MIA2: variants seen among roughly 807,000 people sequenced by gnomAD.
MIA2 encodes melanoma inhibitory activity protein 2.
In MIA2, 127 loss-of-function variants were observed where a neutral mutation model predicts 167.8. The observed-to-expected ratio is 0.76, with a 90% CI of 0.66 to 0.88. The LOEUF (loss-of-function observed/expected upper bound fraction) is 0.88, where lower values mean the gene tolerates loss of function less well. MIA2 is among the 40% of genes least tolerant of loss of function. The pLI is 0.00. For missense variants in MIA2, 1,690 were observed against 1,624.7 expected, an observed-to-expected ratio of 1.04 and a Z score of -0.69; for synonymous variants, 552 against 541.9, an observed-to-expected ratio of 1.02 and a Z score of -0.26.
At chr14:39,284,989 A>G (rs2152781166) in intron 9 of MIA2, among the ~76,000 whole-genome samples, 1 of 152,156 alleles carries the variant, frequency 6.6e-6, no homozygotes, top group East Asian at 1.9e-4. Context: ...CTGTTTAGCA[A>G]AGCACATCTT....
intron 7 of MIA2, among the ~76,000 whole-genome samples, chr14:39,278,972 C>G (rs1339769037): frequency 6.6e-6 from 1 of 151,892 alleles, no homozygotes; most frequent in East Asian, 1.9e-4. Context: ...ACCAGCCTGG[C>G]CAACATGGTG....
intron 2 of MIA2, 100 bp from the exon 3 acceptor site, chr14:39,240,461 A>T: frequency 1.4e-6 from 1 of 720,736 alleles, no homozygotes; most frequent in Non-Finnish European, 2.4e-6. Flanking sequence ...TTTGCGATTC[A>T]GAGTAGATGA....
intron 23 of MIA2, among the ~76,000 whole-genome samples, chr14:39,377,138 G>C (rs1303651870): frequency 6.6e-6 from 1 of 151,808 alleles, no homozygotes. Flanking sequence ...GGCTAGGACA[G>C]TTTATTCCTA....
chr14:39,367,598 T>G (rs1687846062), intron 23 of MIA2, among the ~76,000 whole-genome samples: 2 of 152,234 alleles, frequency 1.3e-5, no homozygotes, highest in African/African-American at 4.8e-5. Flanking sequence ...AGAGCCTCTT[T>G]GGGCACCCAG....
chr14:39,323,743 T>C (rs896427155), intron 24 of MIA2, among the ~76,000 whole-genome samples: 1 of 152,212 alleles, frequency 6.6e-6, no homozygotes, highest in African/African-American at 2.4e-5. Flanking sequence ...TATGAGTCAC[T>C]GGAAATTGAA....
chr14:39,369,281 G>C (rs996228111), intron 23 of MIA2, among the ~76,000 whole-genome samples: 1 of 152,206 alleles, frequency 6.6e-6, no homozygotes, highest in Admixed American at 6.5e-5. Flanking sequence ...AGTCACACTA[G>C]AAGCCCTTGC....
chr14:39,256,033 TCAA>T (rs898441109), intron 6 of MIA2, among the ~76,000 whole-genome samples: 12 of 152,222 alleles, frequency 7.9e-5, no homozygotes, highest in African/African-American at 2.9e-4. Context: ...GAATCAGTTG[TCAA>T]CATTTAAAAG....
intron 2 of MIA2, among the ~76,000 whole-genome samples, chr14:39,240,199 A>G (rs943681410): frequency 6.6e-6 from 1 of 152,186 alleles, no homozygotes; most frequent in Non-Finnish European, 1.5e-5. Flanking sequence ...TAGCTTGGCT[A>G]CCGCCGCCAT....
At chr14:39,250,041 A>C (rs2054492502) in intron 4 of MIA2, among the ~76,000 whole-genome samples, 1 of 152,162 alleles carries the variant, frequency 6.6e-6, no homozygotes, top group South Asian at 2.1e-4. Context: ...AGACCTTTTT[A>C]GGTTGTTAAA....
At chr14:39,359,180 T>G (rs2074612918) in intron 23 of MIA2, among the ~76,000 whole-genome samples, 1 of 152,186 alleles carries the variant, frequency 6.6e-6, no homozygotes, top group Non-Finnish European at 1.5e-5. Context: ...CAGGCCTCCT[T>G]GAGCTGTGAT....
chr14:39,387,098 G>T, exon 24 of MIA2: 1 of 599,528 alleles, frequency 1.7e-6, no homozygotes. Flanking sequence ...CTCGGAGGCT[G>T]CCATCTTGCT....
intron 9 of MIA2, among the ~76,000 whole-genome samples, chr14:39,285,715 A>AC (rs1442601466): frequency 2.4e-4 from 10 of 41,458 alleles, no homozygotes; most frequent in South Asian, 8.1e-4. Flanking sequence ...GACGCTCCTC[A>AC]CTTCCCAGAC....
At chr14:39,363,204 T>C (rs1337234914) in intron 23 of MIA2, among the ~76,000 whole-genome samples, 2 of 152,230 alleles carry the variant, frequency 1.3e-5, no homozygotes, top group Non-Finnish European at 2.9e-5. Flanking sequence ...TAAATATCTG[T>C]TATGTCTATT....
Position 39,326,889 on chromosome 14 carries a change from G to A in MIA2, c.3522G>A (p.Leu1174=). The A allele has an allele frequency of 6.3e-7, 1 of 1,592,894 alleles. No homozygotes were observed. Among genetic ancestry groups the A allele is most frequent in the Non-Finnish European group, 8.5e-7 (1 of 1,171,350 alleles). ...GRGSRGPGNP[L]DHQITNERGE... is the part of the protein sequence containing the mutation. ...GCTCACGAGGCCCAGGGAATCCTCT[G>A]GACCATCAGATTACCAATGAAAGAG... The change falls in exon 25 of 29, where the codon CTG becomes CTA. Residue 1174 remains leucine, a synonymous_variant. Coordinates refer to ENST00000640607, the MANE Select transcript of MIA2 (RefSeq NM_001329214.4).
chr14:39,363,776 C>T (rs1337299019), intron 23 of MIA2, among the ~76,000 whole-genome samples: 4 of 152,094 alleles, frequency 2.6e-5, no homozygotes, highest in Non-Finnish European at 5.9e-5. Flanking sequence ...TTCTTCTTTG[C>T]CTCTGTATAC....
At chr14:39,295,716 C>A (rs908110125) in intron 13 of MIA2, among the ~76,000 whole-genome samples, 1 of 152,022 alleles carries the variant, frequency 6.6e-6, no homozygotes, top group African/African-American at 2.4e-5. Flanking sequence ...CGCGCCTCCA[C>A]GCCCAGCTAA....
At chr14:39,276,165 C>T (rs1401741783) in intron 6 of MIA2, 2 of 151,964 alleles carry the variant, frequency 1.3e-5, no homozygotes, top group African/African-American at 4.8e-5. Context: ...GCAGAATAAC[C>T]CCATTAGGTA....
At chr14:39,325,740 G>A (rs1309980325) in intron 24 of MIA2, among the ~76,000 whole-genome samples, 28 of 149,298 alleles carry the variant, frequency 1.9e-4, no homozygotes, top group Non-Finnish European at 1.0e-4. Context: ...TTGAGATGGA[G>A]TCTCACTCTG....
intron 9 of MIA2, among the ~76,000 whole-genome samples, chr14:39,283,045 G>A (rs555843111): frequency 5.3e-5 from 8 of 152,092 alleles, no homozygotes; most frequent in Admixed American, 3.3e-4. Flanking sequence ...TTCTAGGTCC[G>A]TCCATGTTGT....
Sources: allele counts gnomAD v4.1 joint callset (sites outside exome capture counted in the v4.1 genomes callset), GRCh38; gene constraint gnomAD v4.1.1; transcripts MANE v1.5; gene names NCBI Gene and HGNC (gene_info 2026-07-23, HGNC 2026-07-21).